The following GAS2 variants were observed in gnomAD, a reference collection of about 807,000 sequenced individuals.
GAS2 encodes the protein growth arrest-specific protein 2.
GAS2 carries 20 observed loss-of-function variants against 37.5 expected under a neutral mutation model. The ratio of observed to expected loss-of-function variants is 0.53; its 90% CI spans 0.37 to 0.77. The LOEUF (loss-of-function observed/expected upper bound fraction) is 0.77. Ranked by LOEUF, GAS2 falls within the 30% of genes least tolerant of loss-of-function variation. GAS2 has a pLI of 0.00. For synonymous variants in GAS2, 144 were observed against 132.2 expected (o/e 1.09, Z -0.61); for missense variants, 336 against 373.4 (o/e 0.90, Z 0.82).
chr11:22,755,127 A>G (rs1853954609), intron 6 of GAS2, among the ~76,000 whole-genome samples: 1 of 152,142 alleles, frequency 6.6e-6, no homozygotes, highest in Non-Finnish European at 1.5e-5. Context: ...CTTTATGCAC[A>G]TATCATTTAG....
At chr11:22,689,711 A>G (rs1161177147) in intron 3 of GAS2, among the ~76,000 whole-genome samples, 3 of 152,226 alleles carry the variant, frequency 2.0e-5, no homozygotes, top group Non-Finnish European at 4.4e-5. Context: ...TGGATTCACT[A>G]CAACCCAGGT....
chr11:22,694,295 T>G (rs1040984780), intron 3 of GAS2, among the ~76,000 whole-genome samples: 7 of 152,174 alleles, frequency 4.6e-5, no homozygotes, highest in African/African-American at 1.7e-4. Flanking sequence ...CTCTCCAGAT[T>G]GTATTCTGTC....
chr11:22,668,613 G>A (rs1849082112), intron 1 of GAS2, among the ~76,000 whole-genome samples: 1 of 152,142 alleles, frequency 6.6e-6, no homozygotes, highest in Admixed American at 6.5e-5. Context: ...TTAGCATCTT[G>A]GTTAGAAACT....
intron 3 of GAS2, among the ~76,000 whole-genome samples, chr11:22,722,620 A>G (rs891462483): frequency 1.3e-5 from 2 of 151,916 alleles, no homozygotes; most frequent in Admixed American, 6.6e-5. Flanking sequence ...TTTTTCAGTT[A>G]TGCTTTCCTG....
At chr11:22,706,783 T>A (rs559200147) in intron 3 of GAS2, among the ~76,000 whole-genome samples, 3 of 152,140 alleles carry the variant, frequency 2.0e-5, no homozygotes, top group Non-Finnish European at 4.4e-5. Context: ...TGAATAGTGC[T>A]GCAATAAACA....
At chr11:22,752,157 T>C (rs1360591096) in intron 6 of GAS2, among the ~76,000 whole-genome samples, 1 of 152,036 alleles carries the variant, frequency 6.6e-6, no homozygotes, top group Admixed American at 6.6e-5. Context: ...TTACTATATA[T>C]AGATTAGGAC....
At chr11:22,802,405 T>C (rs1856705219) in intron 7 of GAS2, among the ~76,000 whole-genome samples, 1 of 151,154 alleles carries the variant, frequency 6.6e-6, no homozygotes, top group Non-Finnish European at 1.5e-5. Flanking sequence ...CATGTATACA[T>C]ATGTAACAAC....
At chr11:22,693,250 G>T (rs1168066496) in intron 3 of GAS2, among the ~76,000 whole-genome samples, 2 of 152,008 alleles carry the variant, frequency 1.3e-5, no homozygotes, top group Non-Finnish European at 2.9e-5. Flanking sequence ...AACTGATTCT[G>T]GAATTTTCTA....
chr11:22,806,145 A>G (rs766372263), intron 7 of GAS2, among the ~76,000 whole-genome samples: 6 of 152,206 alleles, frequency 3.9e-5, no homozygotes, highest in Non-Finnish European at 7.4e-5. Flanking sequence ...CCAAGCCCCT[A>G]TTCAAGATGG....
At chr11:22,773,415 A>G (rs1449829874) in intron 7 of GAS2, among the ~76,000 whole-genome samples, 1 of 127,106 alleles carries the variant, frequency 7.9e-6, no homozygotes, top group South Asian at 2.5e-4. Flanking sequence ...TTTTTTTGAG[A>G]CAGAGTCTCG....
At chr11:22,738,339 C>T (rs1357713886) in intron 5 of GAS2, among the ~76,000 whole-genome samples, 6 of 151,946 alleles carry the variant, frequency 3.9e-5, no homozygotes, top group Non-Finnish European at 4.4e-5. Context: ...GAAGGAAAAA[C>T]AAGAATTAAT....
At chr11:22,638,293 C>G (rs1434721792) in intron 1 of GAS2, among the ~76,000 whole-genome samples, 1 of 151,848 alleles carries the variant, frequency 6.6e-6, no homozygotes, top group Non-Finnish European at 1.5e-5. Context: ...GAATTGAAAA[C>G]TTAAGTTGAT....
chr11:22,806,877 A>ATGAGGC (rs1343346951), intron 7 of GAS2, among the ~76,000 whole-genome samples: 1 of 152,174 alleles, frequency 6.6e-6, no homozygotes, highest in East Asian at 1.9e-4. Context: ...GAGTAGCCAA[A>ATGAGGC]ATGAGGCATG....
chr11:22,776,614 T>C (rs1855273668), intron 7 of GAS2, among the ~76,000 whole-genome samples: 1 of 152,206 alleles, frequency 6.6e-6, no homozygotes. Flanking sequence ...GTTAAAATTT[T>C]ATATAAAGCT....
chr11:22,650,061 AT>A (rs1349179149), intron 1 of GAS2, among the ~76,000 whole-genome samples: 4 of 151,882 alleles, frequency 2.6e-5, no homozygotes, highest in African/African-American at 7.3e-5. Context: ...ATTTAGTGCT[AT>A]AAATTTCCCT....
rs551016176 is a variant in GAS2, at chr11:22,718,788, T to C, written c.268-7504T>C. On this transcript the variant is annotated intron_variant, in intron 3 of 7. Transcript: ENST00000454584. ...TAATTTTAAAGTGTAGAACTAGATT[T>C]TTGGAGGTTTTAAGAAATTAATCTC... 1.2e-4 allele frequency among the ~76,000 whole-genome samples: 18 copies of C among 152,152 alleles called. No individual in the cohort carries two copies. In the South Asian group the frequency reaches 3.5e-3, roughly 30 times the overall value.
At chr11:22,649,215 A>G (rs571904708) in intron 1 of GAS2, among the ~76,000 whole-genome samples, 1 of 152,178 alleles carries the variant, frequency 6.6e-6, no homozygotes, top group East Asian at 1.9e-4. Flanking sequence ...ATGCTGGATT[A>G]CATTTATTGA....
Position 22,786,308 on chromosome 11 carries a change from G to T in GAS2, c.724-25490G>T, listed in dbSNP as rs115102403. ...TATTATTTTTGAAAACAATTGGCCAGATAGAAATACTGGTAAAAATTACTG... is the reference window on the plus strand; with the variant it reads ...TATTATTTTTGAAAACAATTGGCCATATAGAAATACTGGTAAAAATTACTG... On this transcript the variant is annotated intron_variant, in intron 7 of 7. Coordinates refer to ENST00000454584, the MANE Select transcript of GAS2 (RefSeq NM_001143830.3). 3.5e-3 allele frequency among the ~76,000 whole-genome samples: 528 copies of T among 152,240 alleles called. 5 individuals carry two copies. Among genetic ancestry groups the T allele is most frequent in the African/African-American group, 0.012 (496 of 41,568 alleles).
At chr11:22,629,206 C>G (rs543096512) in intron 1 of GAS2, among the ~76,000 whole-genome samples, 1 of 152,278 alleles carries the variant, frequency 6.6e-6, no homozygotes, top group South Asian at 2.1e-4. Context: ...ATTGCTGGAT[C>G]AAATGTAGCT....
Sources: gnomAD v4.1 joint callset for allele counts (sites outside exome capture counted in the v4.1 genomes callset) on GRCh38, gnomAD v4.1.1 for gene constraint, MANE v1.5 for transcripts, NCBI Gene and HGNC (gene_info 2026-07-23, HGNC 2026-07-21) for gene names.